Variants in MAP3K1 observed in about 807,000 individuals in gnomAD.
The protein encoded by MAP3K1 is MAP/ERK kinase kinase 1.
Under a neutral mutation model 144.2 loss-of-function variants are expected in MAP3K1, and 36 were observed. The observed-to-expected ratio is 0.25, with a 90% CI of 0.19 to 0.33. MAP3K1 has a LOEUF of 0.33. Among genes scored for constraint, MAP3K1 ranks in the 10% least tolerant of loss-of-function variants. The pLI, the probability that MAP3K1 is intolerant of heterozygous loss-of-function variation, is 1.00. For missense variants in MAP3K1, 1,650 were observed against 1,881.9 expected (o/e 0.88, Z 2.28); for synonymous variants, 718 against 688.7 (o/e 1.04, Z -0.67).
chr5:56,889,907 C>CT (rs1289688449), intron 19 of MAP3K1, among the ~76,000 whole-genome samples: 3 of 152,192 alleles, frequency 2.0e-5, no homozygotes, highest in Non-Finnish European at 4.4e-5. Context: ...AGTCACCTCT[C>CT]TGACAATACC....
intron 1 of MAP3K1, among the ~76,000 whole-genome samples, chr5:56,836,374 G>A (rs1259707910): frequency 6.6e-6 from 1 of 152,178 alleles, no homozygotes; most frequent in Admixed American, 6.5e-5. Flanking sequence ...GGCAGTGCAC[G>A]TGGGAAGGTA....
intron 1 of MAP3K1, among the ~76,000 whole-genome samples, chr5:56,843,309 C>T (rs1746872934): frequency 6.6e-6 from 1 of 152,224 alleles, no homozygotes. Context: ...TCACCTCCTT[C>T]AGCCACATTG....
intron 18 of MAP3K1, 95 bp downstream of exon 18, chr5:56,887,615 A>C: frequency 7.6e-7 from 1 of 1,314,790 alleles, no homozygotes; most frequent in South Asian, 1.2e-5. Context: ...TCCAGTATGT[A>C]CTTACCAACT....
At chr5:56,855,113 CCCTCCTCCTTTTTCT>C (rs1316066637) in intron 1 of MAP3K1, among the ~76,000 whole-genome samples, 1 of 151,978 alleles carries the variant, frequency 6.6e-6, no homozygotes, top group East Asian at 1.9e-4. Flanking sequence ...GCCTTCCTCT[CCCTCCTCCTTTTTCT>C]CCTCCTCCTT....
intron 1 of MAP3K1, among the ~76,000 whole-genome samples, chr5:56,831,205 G>A (rs77883122): frequency 1.5e-5 from 2 of 137,068 alleles, no homozygotes; most frequent in Admixed American, 7.6e-5. Context: ...TTTTTTTTAG[G>A]ATCATGTGTG....
intron 1 of MAP3K1, among the ~76,000 whole-genome samples, chr5:56,833,580 C>T (rs1003367033): frequency 6.6e-6 from 1 of 152,266 alleles, no homozygotes; most frequent in Admixed American, 6.5e-5. Flanking sequence ...TCCTGCAGTA[C>T]CTTAGGCATT....
chr5:56,833,652 C>T (rs1370692594), intron 1 of MAP3K1, among the ~76,000 whole-genome samples: 6 of 152,048 alleles, frequency 3.9e-5, no homozygotes, highest in African/African-American at 1.4e-4. Flanking sequence ...TGAGCCTTGG[C>T]GGGGGCGGGG....
chr5:56,847,815 C>T (rs1172036293), intron 1 of MAP3K1, among the ~76,000 whole-genome samples: 2 of 152,086 alleles, frequency 1.3e-5, no homozygotes, highest in Non-Finnish European at 2.9e-5. Context: ...CTACAGTTGT[C>T]AGTATTTTAT....
rs955428082 is a variant in MAP3K1, at chr5:56,895,593, A to G, written c.*1913A>G. ...CCATGCCCACCACATTTCAAACTCA[A>G]ACTATCTGTAGATTTCAAAATCCAT... On this transcript the variant is annotated 3_prime_UTR_variant, in exon 20 of 20. Transcript: ENST00000399503. 7 of 232,272 alleles carry G rather than the reference A, an allele frequency of 3.0e-5. No individual in the cohort carries two copies. Among genetic ancestry groups the G allele is most frequent in the African/African-American group, 1.1e-4 (5 of 45,288 alleles). The allele number at this position is 232,272 out of a possible 1,614,324, so 14.4% of individuals were successfully genotyped here.
rs34130917 is a variant in MAP3K1 at position 56,895,976 on chromosome 5, CAA to C, written c.*2313_*2314del. 678 of 181,268 alleles carry C rather than the reference CAA, an allele frequency of 3.7e-3. No individual in the cohort carries two copies. The highest frequency in any genetic ancestry group is 9.0e-3 in the East Asian group (110 of 12,238). 11.2% of individuals were successfully genotyped at this position (181,268 alleles called of 1,614,324 possible). A position where few individuals can be genotyped will look rare whatever the true frequency, so the allele number is the denominator to read the frequency against. Reference sequence around the variant, plus strand: ...CACCTTACTGTGTAAGCAAATGTTACAAAAAAAAAAAAAAAAAATCTCTGGGT... The same window carrying C: ...CACCTTACTGTGTAAGCAAATGTTACAAAAAAAAAAAAAAAATCTCTGGGT... On this transcript the variant is annotated 3_prime_UTR_variant, in exon 20 of 20. Transcript: ENST00000399503.
intron 15 of MAP3K1, among the ~76,000 whole-genome samples, 195 bp from the exon 16 acceptor site, chr5:56,884,469 T>C (rs73759252): frequency 0.021 from 3,160 of 152,320 alleles, 109 homozygotes; most frequent in African/African-American, 0.073. Context: ...TTTGTCATTT[T>C]TCTGATGTTT....
Position 56,815,654 on chromosome 5 carries a change from CGGA to C in MAP3K1, c.86_88del (p.Gly29del). On this transcript the variant is annotated inframe_deletion, in exon 1 of 20. Coordinates refer to ENST00000399503, the MANE Select transcript of MAP3K1 (RefSeq NM_005921.2). Reference sequence around the variant, plus strand: ...CTACGAGCCCTGAGGCAGGCGGCGGCGGAGGAGCCCTCAAGGCGAGCAGCGCGC... The same window carrying C: ...CTACGAGCCCTGAGGCAGGCGGCGGCGGAGCCCTCAAGGCGAGCAGCGCGC... 7.5e-7 allele frequency: 1 copy of C among 1,333,882 alleles called. No individual in the cohort carries two copies. The highest frequency in any genetic ancestry group is 1.5e-5 in the African/African-American group (1 of 65,704). 82.6% of individuals were successfully genotyped at this position (1,333,882 alleles called of 1,614,324 possible).
chr5:56,842,477 C>G (rs573330113), intron 1 of MAP3K1, among the ~76,000 whole-genome samples: 1 of 152,128 alleles, frequency 6.6e-6, no homozygotes, highest in Admixed American at 6.5e-5. Context: ...ATGGACAATA[C>G]CTAGAGTAGT....
Position 56,895,976 on chromosome 5 carries a change from C to CA in MAP3K1, c.*2314dup, listed in dbSNP as rs34130917. The CA allele has an allele frequency of 0.47, 84,505 of 181,570 alleles. 16,784 individuals are homozygous for CA. Among genetic ancestry groups the CA allele is most frequent in the South Asian group, 0.56 (2,384 of 4,288 alleles). 11.2% of individuals were successfully genotyped at this position (181,570 alleles called of 1,614,324 possible). A position where few individuals can be genotyped will look rare whatever the true frequency, so the allele number is the denominator to read the frequency against. On this transcript the variant is annotated 3_prime_UTR_variant, in exon 20 of 20. Transcript: ENST00000399503. ...CACCTTACTGTGTAAGCAAATGTTA[C>CA]AAAAAAAAAAAAAAAAAATCTCTGG...
At chr5:56,835,900 A>G (rs1345173982) in intron 1 of MAP3K1, among the ~76,000 whole-genome samples, 1 of 152,166 alleles carries the variant, frequency 6.6e-6, no homozygotes, top group Non-Finnish European at 1.5e-5. Flanking sequence ...TACCTTTGAA[A>G]TAGGAAATTT....
rs771651168 is a variant in MAP3K1 at position 56,894,228 on chromosome 5, A to C, written c.*548A>C. 7 of 236,636 alleles carry C rather than the reference A, an allele frequency of 3.0e-5. No homozygotes were observed. The highest frequency in any genetic ancestry group is 5.8e-5 in the Non-Finnish European group (7 of 119,962). 14.7% of individuals were successfully genotyped at this position (236,636 alleles called of 1,614,324 possible). A position where few individuals can be genotyped will look rare whatever the true frequency, so the allele number is the denominator to read the frequency against. On this transcript the variant is annotated 3_prime_UTR_variant, in exon 20 of 20. Transcript: ENST00000399503. ...ACCCACAGTTGACCTTTATTTTCTT[A>C]AATACCAGGGCAGTTGTGGCTCATT...
rs1442066054 is a variant in MAP3K1, at chr5:56,863,803, CTA to C, written c.835-929_835-928del. On this transcript the variant is annotated intron_variant, in intron 3 of 19. Transcript: ENST00000399503. Reference sequence around the variant, plus strand: ...TCTTGCCAACATTTATTACCCTTAACTATTTAATTAGGGATCCAAAAAACTGG... The same window carrying C: ...TCTTGCCAACATTTATTACCCTTAACTTTAATTAGGGATCCAAAAAACTGG... Among the ~76,000 whole-genome samples the C allele has an allele frequency of 2.6e-5, 4 of 152,140 alleles. No homozygotes were observed. In the East Asian group the frequency reaches 7.7e-4, roughly 29 times the overall value.
intron 1 of MAP3K1, among the ~76,000 whole-genome samples, chr5:56,851,711 C>G (rs1293842708): frequency 6.6e-6 from 1 of 152,204 alleles, no homozygotes; most frequent in Non-Finnish European, 1.5e-5. Context: ...CAATACCGTT[C>G]AGTACAGAAG....
At chr5:56,842,097 C>G (rs1396007302) in intron 1 of MAP3K1, 1 of 152,188 alleles carries the variant, frequency 6.6e-6, no homozygotes, top group East Asian at 1.9e-4. Context: ...TAATATTAAA[C>G]AGTTGAAGCC....
Sources: gnomAD v4.1 joint callset for allele counts (sites outside exome capture counted in the v4.1 genomes callset) on GRCh38, gnomAD v4.1.1 for gene constraint, MANE v1.5 for transcripts, NCBI Gene and HGNC (gene_info 2026-07-23, HGNC 2026-07-21) for gene names.